TNPO2: variants seen among roughly 807,000 people sequenced by gnomAD.
TNPO2 encodes transportin 2, also known as transportin-2.
A neutral mutation model predicts 111.1 loss-of-function variants in TNPO2; 16 were observed. The observed-to-expected ratio is 0.14, with a 90% CI of 0.10 to 0.22. The LOEUF (loss-of-function observed/expected upper bound fraction) is 0.22, where lower values mean the gene tolerates loss of function less well. Ranked by LOEUF, TNPO2 falls within the 10% of genes least tolerant of loss-of-function variation. The pLI is 1.00. For synonymous variants in TNPO2, 481 were observed against 475.8 expected, an observed-to-expected ratio of 1.01 and a Z score of -0.14; for missense variants, 530 against 1,173.7, an observed-to-expected ratio of 0.45 and a Z score of 8.01.
Position 12,710,761 on chromosome 19 carries a change from G to A in TNPO2, c.1130C>T (p.Ala377Val). The change falls in exon 13 of 26, where the codon GCG becomes GTG. Residue 377 changes from alanine to valine, a missense_variant. Physicochemically the swap from Ala to Val is moderately conservative, Grantham distance 64. Transcript: ENST00000425528. ...ATTGGCGAGGACGTCCAGTGCAGCC[G>A]CTGAGCACTTCCCTGGGGAAGGGGG... ...LSDWNLRKCS[A>V]AALDVLANVF... is the part of the protein sequence containing the mutation. The A allele has an allele frequency of 1.2e-6, 2 of 1,609,990 alleles. No individual in the cohort carries two copies. Among genetic ancestry groups the A allele is most frequent in the Admixed American group, 1.7e-5 (1 of 59,550 alleles).
rs372878686 is a variant in TNPO2, at chr19:12,701,334, C to T, written c.*12G>A. On this transcript the variant is annotated 3_prime_UTR_variant, in exon 25 of 26. Coordinates refer to ENST00000425528, the MANE Select transcript of TNPO2 (RefSeq NM_001382241.1). This position sits in a 1 kb window ranked among gnomAD's most constrained non-coding sequence, Gnocchi z 5.0. ...AGCTGCAGTCTCCTTACCTGGCAGT[C>T]TCCATGATCACCTAGACCCCATAGA... 2.5e-5 allele frequency: 40 copies of T among 1,609,094 alleles called. No homozygotes were observed. Among genetic ancestry groups the T allele is most frequent in the Non-Finnish European group, 3.2e-5 (38 of 1,175,868 alleles).
At chr19:12,720,192 A>ATT (rs138211717) in intron 3 of TNPO2, among the ~76,000 whole-genome samples, 2 of 151,508 alleles carry the variant, frequency 1.3e-5, no homozygotes, top group Non-Finnish European at 2.9e-5. Context: ...TAATTTTTGT[A>ATT]TTTTTAGTAG....
chr19:12,715,747 G>A lies in TNPO2; in HGVS notation c.326-8C>T, dbSNP rs375255814. 21 of 1,601,322 alleles carry A rather than the reference G, an allele frequency of 1.3e-5. No homozygotes were observed. Among genetic ancestry groups the A allele is most frequent in the African/African-American group, 4.0e-5 (3 of 74,722 alleles). ...TGGTGGTGATGAGAATGCCTGGGGCGGCCGGGAAAGGACGCTGCCTGAGGC... is the reference window on the plus strand; with the variant it reads ...TGGTGGTGATGAGAATGCCTGGGGCAGCCGGGAAAGGACGCTGCCTGAGGC... On this transcript the variant is annotated splice_polypyrimidine_tract_variant and splice_region_variant and intron_variant, in intron 5 of 25. Coordinates refer to ENST00000425528, the MANE Select transcript of TNPO2 (RefSeq NM_001382241.1). This position sits in a 1 kb window ranked among gnomAD's most constrained non-coding sequence, Gnocchi z 7.1.
In TNPO2 at chr19:12,701,876, G is replaced by C; in HGVS notation, c.2412-25C>G. 1 of 1,593,690 alleles carries C rather than the reference G, an allele frequency of 6.3e-7. No individual in the cohort carries two copies. Among genetic ancestry groups the C allele is most frequent in the South Asian group, 1.1e-5 (1 of 90,712 alleles). Reference sequence around the variant, plus strand: ...CCTGTGGGAAGGTGAGCAGCTGGAGGTCAGAGGGCAGGCTGGGCATGCATC... The same window carrying C: ...CCTGTGGGAAGGTGAGCAGCTGGAGCTCAGAGGGCAGGCTGGGCATGCATC... On this transcript the variant is annotated intron_variant, in intron 22 of 25. Transcript: ENST00000425528. The surrounding 1 kb of genome is among the most constrained non-coding windows in gnomAD (Gnocchi z 5.0).
chr19:12,720,069 T>C (rs1416649612), intron 3 of TNPO2, among the ~76,000 whole-genome samples: 1 of 151,956 alleles, frequency 6.6e-6, no homozygotes, highest in Non-Finnish European at 1.5e-5. Flanking sequence ...TAGGCTGGAG[T>C]GCAGTGGCAC....
chr19:12,710,439 C>T (rs2025971992), intron 13 of TNPO2, among the ~76,000 whole-genome samples, 182 bp downstream of exon 13: 2 of 152,178 alleles, frequency 1.3e-5, no homozygotes, highest in Non-Finnish European at 2.9e-5. Flanking sequence ...AGAGGCCTTG[C>T]ACTGTGGGGC....
rs1364553602 is a variant in TNPO2 at position 12,701,352 on chromosome 19, C to G, written c.2688G>C (p.Gly896=). The G allele has an allele frequency of 6.2e-7, 1 of 1,613,598 alleles. No individual in the cohort carries two copies. The highest frequency in any genetic ancestry group is 1.7e-5 in the Admixed American group (1 of 60,014). The change falls in exon 25 of 26, where the codon GGG becomes GGC. Residue 896 remains glycine (G), a synonymous_variant. Transcript: ENST00000425528. This position sits in a 1 kb window ranked among gnomAD's most constrained non-coding sequence, Gnocchi z 5.0. The part of the protein sequence containing the change: ...LLKERLAAFY[G]V Reference sequence around the variant, plus strand: ...TGGCAGTCTCCATGATCACCTAGACCCCATAGAAAGCCGCCAGCCTCTCCT... The same window carrying G: ...TGGCAGTCTCCATGATCACCTAGACGCCATAGAAAGCCGCCAGCCTCTCCT...
At chr19:12,710,822 G>A (rs369853546) in intron 12 of TNPO2, 49 bp from the exon 13 acceptor site, 309 of 1,548,026 alleles carry the variant, frequency 2.0e-4, no homozygotes, top group Non-Finnish European at 2.6e-4. Context: ...CCTCAGGCAG[G>A]TGGCCGACCC....
chr19:12,710,562 A>G (rs2025977616), intron 13 of TNPO2, 59 bp downstream of exon 13: 1 of 1,582,036 alleles, frequency 6.3e-7, no homozygotes, highest in South Asian at 1.1e-5. Context: ...GTGGCTAGTA[A>G]TGTGGGCCAG....
rs565509600 is a variant in TNPO2 at position 12,718,930 on chromosome 19, T to A, written c.325+99A>T. On this transcript the variant is annotated intron_variant, in intron 5 of 25. Transcript: ENST00000425528. ...AATGGCAATAGTAATAGTACTACCA[T>A]AGAGGGTGCCAGAGCATTCCATGAA... 18 of 1,466,030 alleles carry A rather than the reference T, an allele frequency of 1.2e-5. No individual in the cohort carries two copies. In the African/African-American group the frequency reaches 2.5e-4, roughly 20 times the overall value. 90.8% of individuals were successfully genotyped at this position (1,466,030 alleles called of 1,614,324 possible).
rs146206215 is a variant in TNPO2, at chr19:12,711,256, G to A, written c.1117+40C>T. 538 of 1,600,654 alleles carry A rather than the reference G, an allele frequency of 3.4e-4. 1 individual carries two copies. The African/African-American group carries it at 6.3e-3, about 19-fold the overall frequency. ...GTCACCTCCCAAGAGGGAGTCCAGG[G>A]CTTGCCACCCCACCACCACCCCCAG... On this transcript the variant is annotated intron_variant, in intron 12 of 25. Coordinates refer to ENST00000425528, the MANE Select transcript of TNPO2 (RefSeq NM_001382241.1).
chr19:12,703,662 C>T, intron 19 of TNPO2, 52 bp downstream of exon 19: 1 of 1,592,218 alleles, frequency 6.3e-7, no homozygotes, highest in Non-Finnish European at 8.6e-7. Flanking sequence ...TGCTCTCCAT[C>T]ACTTGAGGCC....
rs1966931728 is a variant in TNPO2 at position 12,721,362 on chromosome 19, C to T, written c.-13-372G>A. ...AGCGGCTGGGCGAGGGCCCAGCCGCCTCCACATCCAGGGGCCCCGCCCCAG... is the reference window on the plus strand; with the variant it reads ...AGCGGCTGGGCGAGGGCCCAGCCGCTTCCACATCCAGGGGCCCCGCCCCAG... On this transcript the variant is annotated intron_variant, in intron 2 of 25. Transcript: ENST00000425528. The surrounding 1 kb of genome is among the most constrained non-coding windows in gnomAD (Gnocchi z 4.9). The T allele has an allele frequency of 8.2e-7, 1 of 1,219,750 alleles. No homozygotes were observed. Among genetic ancestry groups the T allele is most frequent in the Non-Finnish European group, 1.1e-6 (1 of 936,950 alleles). The allele number at this position is 1,219,750 out of a possible 1,614,324, so 75.6% of individuals were successfully genotyped here.
intron 13 of TNPO2, 37 bp downstream of exon 13, chr19:12,710,583 TC>T (rs1568335192): frequency 6.2e-7 from 1 of 1,605,622 alleles, no homozygotes; most frequent in Non-Finnish European, 8.5e-7. Context: ...CCCTACAGTC[TC>T]ATGCCAGCAC....
chr19:12,721,334 C>G lies in TNPO2; in HGVS notation c.-13-344G>C, dbSNP rs1267223401. On this transcript the variant is annotated intron_variant, in intron 2 of 25. Transcript: ENST00000425528. The surrounding 1 kb of genome is among the most constrained non-coding windows in gnomAD (Gnocchi z 4.9). ...CGAGCCCGAAGGCTTCCACCTCCCT[C>G]GCAGCGGCTGGGCGAGGGCCCAGCC... is the stretch of plus-strand genomic sequence containing the variant. The G allele has an allele frequency of 3.9e-6, 5 of 1,274,858 alleles. No homozygotes were observed. Among genetic ancestry groups the G allele is most frequent in the Middle Eastern group, 2.3e-4 (1 of 4,412 alleles). 79.0% of individuals were successfully genotyped at this position (1,274,858 alleles called of 1,614,324 possible).
chr19:12,714,898 G>A lies in TNPO2; in HGVS notation c.813C>T (p.Ala271=), dbSNP rs1050533543. Residue 271 remains alanine, a synonymous_variant, in exon 10 of 26, where the codon GCC becomes GCT. Transcript: ENST00000425528. ...QRTQDHDENV[A]LEACEFWLTL... The stretch of plus-strand genomic sequence containing the variant: ...TCAGCCAGAACTCACAGGCCTCAAG[G>A]GCAACGTTCTCATCATGGTCCTGGG... 5 of 1,613,632 alleles carry A rather than the reference G, an allele frequency of 3.1e-6. No homozygotes were observed. In the African/African-American group the frequency reaches 6.7e-5, roughly 22 times the overall value.
At chr19:12,714,487 T>C (rs1416317524) in intron 10 of TNPO2, among the ~76,000 whole-genome samples, 2 of 152,130 alleles carry the variant, frequency 1.3e-5, no homozygotes, top group East Asian at 1.9e-4. Context: ...TATTTTTTTA[T>C]ATTTTTAGTA....
intron 2 of TNPO2, 46 bp downstream of exon 2, chr19:12,723,203 G>A (rs1425651270): frequency 6.6e-6 from 1 of 152,172 alleles, no homozygotes; most frequent in African/African-American, 2.4e-5. Flanking sequence ...AAAACGAAAT[G>A]AACTAATAAA....
At chr19:12,707,685 T>C (rs1290893424) in intron 13 of TNPO2, among the ~76,000 whole-genome samples, 2 of 151,714 alleles carry the variant, frequency 1.3e-5, no homozygotes, top group Non-Finnish European at 1.5e-5. Flanking sequence ...GACGGGGTTT[T>C]ACCATGTTGG....
Sources: gnomAD v4.1 joint callset for allele counts (sites outside exome capture counted in the v4.1 genomes callset) on GRCh38, gnomAD v4.1.1 for gene constraint, Gnocchi (gnomAD v3.1) non-coding constraint, MANE v1.5 for transcripts, NCBI Gene and HGNC (gene_info 2026-07-23, HGNC 2026-07-21) for gene names.